Variants in TENM1 observed in about 807,000 individuals in gnomAD.
The protein encoded by TENM1 is teneurin transmembrane protein 1.
TENM1 carries 35 observed loss-of-function variants against 174.8 expected under a neutral mutation model. The ratio of observed to expected loss-of-function variants is 0.20; its 90% CI spans 0.15 to 0.27. The LOEUF (loss-of-function observed/expected upper bound fraction) is 0.27, where lower values mean the gene tolerates loss of function less well. Ranked by LOEUF, TENM1 falls within the 10% of genes least tolerant of loss-of-function variation. The pLI is 1.00. For missense variants in TENM1, 1,633 were observed against 2,130.1 expected (o/e 0.77, Z 4.59); for synonymous variants, 781 against 798.7 (o/e 0.98, Z 0.37).
At chrX:124,381,992 T>C (rs1432932364) in intron 31 of TENM1, among the ~76,000 whole-genome samples, 1 of 111,459 alleles carries the variant, frequency 9.0e-6, no homozygotes, top group African/African-American at 3.3e-5. Flanking sequence ...CTGTCCCTTA[T>C]AATTTTTTAG....
chrX:124,664,679 G>GGTGTGGGT (rs2051703871), intron 6 of TENM1, among the ~76,000 whole-genome samples: 2 of 86,970 alleles, frequency 2.3e-5, no homozygotes, highest in African/African-American at 8.6e-5. Flanking sequence ...GTACTTGTGG[G>GGTGTGGGT]GTGTGTGTGT....
intron 6 of TENM1, among the ~76,000 whole-genome samples, chrX:124,656,430 T>G (rs1277092862): frequency 8.9e-6 from 1 of 112,445 alleles, no homozygotes; most frequent in Admixed American, 9.4e-5. Flanking sequence ...GTTGATCTCA[T>G]CCCTTGAAAG....
chrX:124,520,793 A>T lies in TENM1; in HGVS notation c.3034-9T>A, dbSNP rs1017115431. On this transcript the variant is annotated splice_polypyrimidine_tract_variant and intron_variant, in intron 17 of 31. Transcript: ENST00000422452. Reference sequence around the variant, plus strand: ...ATTTCCTCCTGTACAACCTGAAATAAAAAAAAAAAAAAAAAGCCAAATAGG... The same window carrying T: ...ATTTCCTCCTGTACAACCTGAAATATAAAAAAAAAAAAAAAGCCAAATAGG... 3 of 251,785 alleles carry T rather than the reference A, an allele frequency of 1.2e-5. No individual in the cohort carries two copies. Among genetic ancestry groups the T allele is most frequent in the South Asian group, 2.2e-4 (2 of 9,180 alleles). 20.7% of individuals were successfully genotyped at this position (251,785 alleles called of 1,213,427 possible).
intron 3 of TENM1, among the ~76,000 whole-genome samples, chrX:124,839,128 C>T (rs945692673): frequency 9.0e-6 from 1 of 111,685 alleles, no homozygotes; most frequent in Non-Finnish European, 1.9e-5. Context: ...TCTAGATCTG[C>T]CTTTATCGAC....
chrX:124,378,979 G>A (rs954708362), exon 32 of TENM1: 30 of 112,012 alleles, frequency 2.7e-4, no homozygotes, highest in African/African-American at 9.4e-4. Flanking sequence ...AATTTTCTAC[G>A]GGCCACATTG....
intron 22 of TENM1, among the ~76,000 whole-genome samples, chrX:124,479,768 A>G (rs1280734846): frequency 8.9e-6 from 1 of 111,751 alleles, no homozygotes; most frequent in Non-Finnish European, 1.9e-5. Context: ...TCTATTTTTT[A>G]TGCAGAAATC....
In TENM1 at chrX:124,884,068, G is replaced by A. The variant is rs1350450332; in HGVS notation, c.535+10228C>T. Among the ~76,000 whole-genome samples, 7 of 111,320 alleles carry A rather than the reference G, an allele frequency of 6.3e-5. No individual in the cohort carries two copies. The East Asian group carries it at 2.0e-3, about 32-fold the overall frequency. ...CAGGGAGCCACAGGTTGTTTTCAGTGGCAGCAGCAATTGTCAGGCAGGTAG... is the reference window on the plus strand; with the variant it reads ...CAGGGAGCCACAGGTTGTTTTCAGTAGCAGCAGCAATTGTCAGGCAGGTAG... On this transcript the variant is annotated intron_variant, in intron 3 of 31. Coordinates refer to ENST00000422452, the Ensembl canonical transcript of TENM1.
chrX:124,890,724 C>T (rs780908050), intron 3 of TENM1, among the ~76,000 whole-genome samples: 1 of 110,084 alleles, frequency 9.1e-6, no homozygotes, highest in Admixed American at 9.7e-5. Context: ...TATATACTGT[C>T]GGTGGGAATG....
chrX:125,138,862 A>G, the TENM1 span, among the ~76,000 whole-genome samples: 1 of 110,744 alleles, frequency 9.0e-6, no homozygotes, highest in African/African-American at 3.3e-5. Context: ...GGGGACTTCT[A>G]ATATAACATG....
At chrX:125,181,106 C>A in the TENM1 span, among the ~76,000 whole-genome samples, 2 of 111,979 alleles carry the variant, frequency 1.8e-5, no homozygotes, top group African/African-American at 6.5e-5. Flanking sequence ...ATCGAGCATA[C>A]ACTATGTTAT....
intron 11 of TENM1, among the ~76,000 whole-genome samples, chrX:124,583,702 T>C (rs1225350233): frequency 4.5e-5 from 5 of 111,357 alleles, no homozygotes; most frequent in Admixed American, 9.5e-5. Context: ...CTTTGACGAG[T>C]TGAGAGAAGA....
chrX:124,974,896 A>G, the TENM1 span, among the ~76,000 whole-genome samples: 1 of 96,691 alleles, frequency 1.0e-5, no homozygotes, highest in African/African-American at 3.7e-5. Context: ...CACTATATAT[A>G]TATATAAAAT....
At chrX:124,812,381 G>T (rs2147269417) in intron 3 of TENM1, among the ~76,000 whole-genome samples, 1 of 111,270 alleles carries the variant, frequency 9.0e-6, no homozygotes, top group African/African-American at 3.2e-5. Context: ...TATGTGTCAG[G>T]AAAGAAAAGA....
chrX:124,488,095 C>A (rs6655793), intron 20 of TENM1, among the ~76,000 whole-genome samples: 73 of 111,794 alleles, frequency 6.5e-4, no homozygotes, highest in African/African-American at 2.1e-3. Context: ...TTGGTGGCTC[C>A]TGATCTGTAA....
At chrX:124,784,909 A>T (rs1231378464) in intron 3 of TENM1, among the ~76,000 whole-genome samples, 3 of 111,209 alleles carry the variant, frequency 2.7e-5, no homozygotes, top group Non-Finnish European at 3.8e-5. Flanking sequence ...GGGTTCTGAG[A>T]TACTCCTATA....
chrX:124,959,859 TA>T lies in TENM1; in HGVS notation c.217+3677del, dbSNP rs780057646. ...GAGGTTCTATCAATTCGAACACACT[TA>T]TATCTCTTGAGTGTGTCTCTTCATC... is the stretch of plus-strand genomic sequence containing the variant. On this transcript the variant is annotated intron_variant, in intron 1 of 31. Coordinates refer to ENST00000422452, the Ensembl canonical transcript of TENM1. 1.9e-3 allele frequency among the ~76,000 whole-genome samples: 208 copies of T among 111,596 alleles called. 2 individuals carry two copies. The highest frequency in any genetic ancestry group is 0.017 in the Admixed American group (181 of 10,460).
the TENM1 span, among the ~76,000 whole-genome samples, chrX:125,012,627 T>C: frequency 1.8e-5 from 2 of 111,697 alleles, no homozygotes; most frequent in Non-Finnish European, 3.8e-5. Flanking sequence ...CTATATCCAG[T>C]TGGAAATGAC....
the TENM1 span, among the ~76,000 whole-genome samples, chrX:125,018,809 A>G: frequency 1.8e-5 from 2 of 111,656 alleles, no homozygotes; most frequent in African/African-American, 6.5e-5. Flanking sequence ...GGCCTTATTG[A>G]CAAGCATATC....
At chrX:124,563,890 G>A (rs1215610636) in intron 12 of TENM1, 118 bp from the exon 16 acceptor site, 1 of 568,105 alleles carries the variant, frequency 1.8e-6, no homozygotes, top group East Asian at 3.9e-5. Context: ...GCGCACTGCT[G>A]AAATGCCTGC....
Sources: gnomAD v4.1 joint callset for allele counts (sites outside exome capture counted in the v4.1 genomes callset) on GRCh38, gnomAD v4.1.1 for gene constraint, MANE v1.5 for transcripts, NCBI Gene and HGNC (gene_info 2026-07-23, HGNC 2026-07-21) for gene names.